Variants in NRXN3 observed in about 807,000 individuals in gnomAD.
The protein encoded by NRXN3 is neurexin III.
NRXN3 carries 32 observed loss-of-function variants against 137.6 expected under a neutral mutation model. The ratio of observed to expected loss-of-function variants is 0.23; its 90% CI spans 0.18 to 0.31. The LOEUF is 0.31. Ranked by LOEUF, NRXN3 falls within the 10% of genes least tolerant of loss-of-function variation. NRXN3 has a pLI of 1.00. For missense variants in NRXN3, 1,574 were observed against 2,062.5 expected, an observed-to-expected ratio of 0.76 and a Z score of 4.59; for synonymous variants, 798 against 784.5, an observed-to-expected ratio of 1.02 and a Z score of -0.29.
chr14:78,401,819 T>G lies in NRXN3; in HGVS notation c.757+103959T>G, dbSNP rs564908851. Among the ~76,000 whole-genome samples the G allele has an allele frequency of 1.4e-4, 21 of 152,316 alleles. No individual in the cohort carries two copies. The East Asian group carries it at 4.0e-3, about 29-fold the overall frequency. The stretch of plus-strand genomic sequence containing the variant: ...TTGATCTAACCAGCTAAACTATTCA[T>G]TATAGTTAAAAAGGCAATACACAAT... On this transcript the variant is annotated intron_variant, in intron 4 of 20. Coordinates refer to ENST00000335750, the MANE Select transcript of NRXN3 (RefSeq NM_001330195.2).
At chr14:78,729,239 A>G (rs1348634794) in intron 8 of NRXN3, among the ~76,000 whole-genome samples, 1 of 152,230 alleles carries the variant, frequency 6.6e-6, no homozygotes, top group African/African-American at 2.4e-5. Context: ...CATAGTCGCA[A>G]TGTTAGCAAA....
intron 16 of NRXN3, among the ~76,000 whole-genome samples, chr14:79,523,736 G>T (rs1216784097): frequency 1.6e-4 from 24 of 152,204 alleles, no homozygotes; most frequent in Admixed American, 1.6e-3. Context: ...GCGGAGTTGA[G>T]ATTTAGGGAC....
At chr14:78,657,228 G>A (rs2097792426) in intron 6 of NRXN3, among the ~76,000 whole-genome samples, 1 of 151,906 alleles carries the variant, frequency 6.6e-6, no homozygotes, top group African/African-American at 2.4e-5. Context: ...TCTGTCCTTG[G>A]CATTACTGAG....
chr14:79,655,665 C>G (rs1567792037), intron 16 of NRXN3, among the ~76,000 whole-genome samples: 2 of 152,038 alleles, frequency 1.3e-5, no homozygotes, highest in Non-Finnish European at 2.9e-5. Flanking sequence ...AATAGTGGCA[C>G]TATTGATATT....
At chr14:79,679,922 C>T (rs572220631) in intron 17 of NRXN3, among the ~76,000 whole-genome samples, 1 of 152,208 alleles carries the variant, frequency 6.6e-6, no homozygotes, top group East Asian at 1.9e-4. Context: ...TTGACTGTCA[C>T]TTGAGTTGTA....
intron 2 of NRXN3, among the ~76,000 whole-genome samples, chr14:78,255,546 C>G (rs548340335): frequency 6.6e-6 from 1 of 152,224 alleles, no homozygotes; most frequent in Non-Finnish European, 1.5e-5. Flanking sequence ...TGTCTCTTGG[C>G]TCCCTTTGGC....
intron 20 of NRXN3, among the ~76,000 whole-genome samples, chr14:79,811,374 T>C (rs1037232323): frequency 1.3e-5 from 2 of 152,136 alleles, no homozygotes; most frequent in Admixed American, 1.3e-4. Flanking sequence ...AAAATTTGAG[T>C]TACAATACAT....
At chr14:79,788,415 T>C (rs943009983) in intron 19 of NRXN3, among the ~76,000 whole-genome samples, 3 of 152,308 alleles carry the variant, frequency 2.0e-5, no homozygotes, top group Admixed American at 6.5e-5. Context: ...TAGGCTCTGG[T>C]CCAGGAGTAT....
intron 16 of NRXN3, among the ~76,000 whole-genome samples, chr14:79,565,993 T>C (rs986394994): frequency 3.3e-5 from 5 of 152,028 alleles, no homozygotes; most frequent in Non-Finnish European, 7.4e-5. Flanking sequence ...AAGCTTAGCA[T>C]GGATTATTTT....
chr14:79,148,356 C>T (rs951209289), intron 15 of NRXN3, among the ~76,000 whole-genome samples: 1 of 152,042 alleles, frequency 6.6e-6, no homozygotes, highest in African/African-American at 2.4e-5. Context: ...AGAGCAAAGG[C>T]CTGAGGTGGG....
At chr14:79,691,700 G>A (rs1413815832) in intron 17 of NRXN3, among the ~76,000 whole-genome samples, 2 of 152,020 alleles carry the variant, frequency 1.3e-5, no homozygotes, top group African/African-American at 4.8e-5. Flanking sequence ...ACACTTGAGA[G>A]GAGAAGAAAA....
At chr14:79,590,775 C>T (rs1024726171) in intron 16 of NRXN3, among the ~76,000 whole-genome samples, 6 of 152,200 alleles carry the variant, frequency 3.9e-5, no homozygotes, top group Non-Finnish European at 5.9e-5. Flanking sequence ...ACAGAGGTGG[C>T]GTTGATGGAC....
intron 16 of NRXN3, among the ~76,000 whole-genome samples, chr14:79,491,676 A>G (rs1253757982): frequency 6.6e-6 from 1 of 152,000 alleles, no homozygotes; most frequent in East Asian, 1.9e-4. Flanking sequence ...TGTGTGAGAG[A>G]AAGAGAGAGA....
At chr14:79,544,447 G>C (rs1601886362) in intron 16 of NRXN3, among the ~76,000 whole-genome samples, 1 of 152,108 alleles carries the variant, frequency 6.6e-6, no homozygotes, top group Non-Finnish European at 1.5e-5. Flanking sequence ...TCTTAATAAT[G>C]TGCAGTAGTA....
chr14:79,061,653 G>C (rs1049587755), intron 15 of NRXN3, among the ~76,000 whole-genome samples: 1 of 152,188 alleles, frequency 6.6e-6, no homozygotes, highest in Non-Finnish European at 1.5e-5. Context: ...GGCATAGCCT[G>C]CTTTTTTGAG....
chr14:78,339,307 TC>T (rs1462650954), intron 4 of NRXN3, among the ~76,000 whole-genome samples: 1 of 152,228 alleles, frequency 6.6e-6, no homozygotes, highest in East Asian at 1.9e-4. Context: ...ATGTTTAGAA[TC>T]TTGCTCAAAG....
intron 4 of NRXN3, among the ~76,000 whole-genome samples, chr14:78,545,493 T>TGGC (rs1285212515): frequency 3.9e-5 from 6 of 152,190 alleles, no homozygotes; most frequent in Non-Finnish European, 7.3e-5. Context: ...GTATAAATCC[T>TGGC]GGCACATTTT....
intron 14 of NRXN3, 152 bp downstream of exon 14, chr14:78,968,498 C>A: frequency 1.5e-6 from 1 of 649,230 alleles, no homozygotes; most frequent in Non-Finnish European, 2.5e-6. Flanking sequence ...GTTCTCTTGT[C>A]ACTGGTTTAG....
chr14:78,519,487 C>T (rs550873807), intron 4 of NRXN3, among the ~76,000 whole-genome samples: 8 of 152,126 alleles, frequency 5.3e-5, no homozygotes, highest in African/African-American at 1.9e-4. Flanking sequence ...AACTTAATAC[C>T]ATTTATTCAT....
Sources: gnomAD v4.1 joint callset for allele counts (sites outside exome capture counted in the v4.1 genomes callset) on GRCh38, gnomAD v4.1.1 for gene constraint, MANE v1.5 for transcripts, NCBI Gene and HGNC (gene_info 2026-07-23, HGNC 2026-07-21) for gene names.